Variants in PTPRD observed in about 807,000 individuals in gnomAD.
The protein encoded by PTPRD is protein tyrosine phosphatase receptor type D.
PTPRD carries 34 observed loss-of-function variants against 214.5 expected under a neutral mutation model. The observed-to-expected ratio is 0.16, with a 90% CI of 0.12 to 0.21. The LOEUF is 0.21. PTPRD is among the 10% of genes least tolerant of loss of function. The pLI, the probability that PTPRD is intolerant of heterozygous loss-of-function variation, is 1.00. For synonymous variants in PTPRD, 1,128 were observed against 845.7 expected (o/e 1.33, Z -5.79); for missense variants, 2,545 against 2,398.7 (o/e 1.06, Z -1.27).
intron 3 of PTPRD, among the ~76,000 whole-genome samples, chr9:10,307,074 C>A (rs957425580): frequency 6.6e-6 from 1 of 152,082 alleles, no homozygotes; most frequent in African/African-American, 2.4e-5. Context: ...TTGTTGGAAA[C>A]ATTTCCAGTT....
chr9:9,388,023 T>C (rs6477394), intron 9 of PTPRD, among the ~76,000 whole-genome samples: 126,758 of 151,780 alleles, frequency 0.84, 52,997 homozygotes, highest in Middle Eastern at 0.88. Context: ...CGGAGTTTCT[T>C]GCCTTGCTGT....
chr9:10,347,569 C>T (rs1445405766), intron 2 of PTPRD, among the ~76,000 whole-genome samples: 1 of 151,814 alleles, frequency 6.6e-6, no homozygotes, highest in African/African-American at 2.4e-5. Context: ...TGCCACTACA[C>T]CCGGCTAATT....
At chr9:9,044,686 C>A (rs1282261659) in intron 10 of PTPRD, among the ~76,000 whole-genome samples, 1 of 152,192 alleles carries the variant, frequency 6.6e-6, no homozygotes, top group Non-Finnish European at 1.5e-5. Context: ...ACTGACTATG[C>A]TGGGAACTTG....
At chr9:10,440,624 G>C (rs1241715322) in intron 2 of PTPRD, among the ~76,000 whole-genome samples, 2 of 151,698 alleles carry the variant, frequency 1.3e-5, no homozygotes, top group African/African-American at 4.8e-5. Flanking sequence ...AAAAGTAAAC[G>C]TGTTAATGGT....
intron 2 of PTPRD, among the ~76,000 whole-genome samples, chr9:10,511,936 ATATATATATACGTGTGTG>A (rs758218577): frequency 0.29 from 32,391 of 110,224 alleles, 5,419 homozygotes; most frequent in South Asian, 0.48. Flanking sequence ...ATATACGTGT[ATATATATATACGTGTGTG>A]TATATATATA....
intron 2 of PTPRD, among the ~76,000 whole-genome samples, chr9:10,590,678 G>A (rs527940282): frequency 6.6e-6 from 1 of 151,564 alleles, no homozygotes; most frequent in African/African-American, 2.4e-5. Context: ...GTATTCCTTT[G>A]TATGGAAATA....
chr9:9,090,196 T>A (rs2099773522), intron 10 of PTPRD, among the ~76,000 whole-genome samples: 2 of 152,154 alleles, frequency 1.3e-5, no homozygotes, highest in African/African-American at 4.8e-5. Context: ...AACCTACCTC[T>A]CTTCATCTCC....
At chr9:8,854,138 A>C (rs1334591278) in intron 11 of PTPRD, among the ~76,000 whole-genome samples, 1 of 152,126 alleles carries the variant, frequency 6.6e-6, no homozygotes, top group Admixed American at 6.5e-5. Flanking sequence ...TTTATTTTCG[A>C]GATTCCTAGA....
chr9:10,612,883 G>A lies in PTPRD; in HGVS notation c.-903C>T, dbSNP rs1247080427. On this transcript the variant is annotated 5_prime_UTR_variant, in exon 1 of 46. Transcript: ENST00000381196. ...GGAGGCGAGGCTCTGTCGGGGCGAG[G>A]CGCTGCCCCCACGCGCTCCGGCCGC... 6.6e-6 allele frequency among the ~76,000 whole-genome samples: 1 copy of A among 151,882 alleles called. No individual in the cohort carries two copies. Among genetic ancestry groups the A allele is most frequent in the South Asian group, 2.1e-4 (1 of 4,828 alleles).
intron 3 of PTPRD, among the ~76,000 whole-genome samples, chr9:10,041,572 AT>A (rs2097297498): frequency 6.6e-6 from 1 of 151,870 alleles, no homozygotes; most frequent in South Asian, 2.1e-4. Flanking sequence ...AAATCCTTCA[AT>A]TACCTTGTTA....
chr9:9,562,495 T>G (rs1453377572), intron 8 of PTPRD, among the ~76,000 whole-genome samples: 2 of 152,186 alleles, frequency 1.3e-5, no homozygotes, highest in African/African-American at 4.8e-5. Flanking sequence ...CTGCTCTTAG[T>G]GTTAAAGCCA....
chr9:10,548,784 T>C (rs2060693957), intron 2 of PTPRD, among the ~76,000 whole-genome samples: 1 of 152,156 alleles, frequency 6.6e-6, no homozygotes, highest in South Asian at 2.1e-4. Context: ...CCAGGAGAAC[T>C]GCCAATGTCA....
rs140872468 is a variant in PTPRD at position 8,389,833 on chromosome 9, A to T, written c.4211-426T>A. Among the ~76,000 whole-genome samples the T allele has an allele frequency of 1.6e-4, 24 of 152,306 alleles. No individual in the cohort carries two copies. The East Asian group carries it at 4.4e-3, about 28-fold the overall frequency. On this transcript the variant is annotated intron_variant, in intron 36 of 45. Coordinates refer to ENST00000381196, the MANE Select transcript of PTPRD (RefSeq NM_002839.4). ...AAATAGAGTGGAACACACCATAATA[A>T]TGAAAAATTCTTTGTAGATTTAGTT...
intron 15 of PTPRD, chr9:8,528,292 G>T (rs932050019): frequency 4.6e-6 from 2 of 434,646 alleles, no homozygotes; most frequent in African/African-American, 4.1e-5. Flanking sequence ...GGAGAAAATG[G>T]ATCCATCAAA....
At chr9:8,829,638 CAG>C (rs1194496616) in intron 11 of PTPRD, among the ~76,000 whole-genome samples, 1 of 152,124 alleles carries the variant, frequency 6.6e-6, no homozygotes, top group Non-Finnish European at 1.5e-5. Context: ...CAGCACTTGA[CAG>C]AGCATCAACT....
chr9:10,612,215 A>G (rs1567208645), intron 2 of PTPRD, among the ~76,000 whole-genome samples, 183 bp downstream of exon 2: 1 of 151,234 alleles, frequency 6.6e-6, no homozygotes, highest in Non-Finnish European at 1.5e-5. Flanking sequence ...TTCCAAAAAA[A>G]AAAAAAAAAG....
intron 11 of PTPRD, among the ~76,000 whole-genome samples, chr9:8,792,620 G>A (rs1038041540): frequency 3.9e-5 from 6 of 152,094 alleles, no homozygotes; most frequent in African/African-American, 1.4e-4. Context: ...GCTTGTCATA[G>A]CCTTTCCGTT....
intron 11 of PTPRD, among the ~76,000 whole-genome samples, chr9:8,796,742 G>C (rs1341847198): frequency 6.6e-6 from 1 of 151,928 alleles, no homozygotes; most frequent in Non-Finnish European, 1.5e-5. Context: ...CTAATCTTCT[G>C]GTTGAGAAAT....
chr9:10,512,018 G>GTA (rs1184926342), intron 2 of PTPRD, among the ~76,000 whole-genome samples: 20 of 56,202 alleles, frequency 3.6e-4, no homozygotes, highest in African/African-American at 1.8e-3. Flanking sequence ...ATACGTGTGT[G>GTA]TATATATATA....
Sources: allele counts gnomAD v4.1 joint callset (sites outside exome capture counted in the v4.1 genomes callset), GRCh38; gene constraint gnomAD v4.1.1; transcripts MANE v1.5; gene names NCBI Gene and HGNC (gene_info 2026-07-23, HGNC 2026-07-21).